The following GPC6 variants were observed in gnomAD, a reference collection of about 807,000 sequenced individuals.
GPC6 encodes the protein glypican 6.
A neutral mutation model predicts 55.2 loss-of-function variants in GPC6; 14 were observed. That is an observed-to-expected ratio of 0.25 (90% CI 0.17 to 0.40). The LOEUF is 0.40. Ranked by LOEUF, GPC6 falls within the 10% of genes least tolerant of loss-of-function variation. GPC6 has a pLI of 1.00. For missense variants in GPC6, 641 were observed against 708.5 expected, an observed-to-expected ratio of 0.90 and a Z score of 1.08; for synonymous variants, 278 against 259.6, an observed-to-expected ratio of 1.07 and a Z score of -0.68.
chr13:93,380,583 C>T (rs1232766636), intron 1 of GPC6, among the ~76,000 whole-genome samples: 2 of 152,014 alleles, frequency 1.3e-5, no homozygotes, highest in African/African-American at 2.4e-5. Flanking sequence ...TTTGATTTGC[C>T]TCAGATGCAG....
At chr13:94,250,169 G>A (rs970049115) in intron 4 of GPC6, among the ~76,000 whole-genome samples, 1 of 152,030 alleles carries the variant, frequency 6.6e-6, no homozygotes, top group East Asian at 1.9e-4. Context: ...ATTCAATCTG[G>A]GAAATAAATT....
At chr13:93,986,826 A>G (rs936859542) in intron 3 of GPC6, among the ~76,000 whole-genome samples, 3 of 152,166 alleles carry the variant, frequency 2.0e-5, no homozygotes, top group African/African-American at 7.2e-5. Flanking sequence ...TTAATATTTT[A>G]CATGCTATTT....
chr13:93,650,038 A>G (rs1448219266), intron 2 of GPC6, among the ~76,000 whole-genome samples: 1 of 152,198 alleles, frequency 6.6e-6, no homozygotes, highest in African/African-American at 2.4e-5. Flanking sequence ...AATGGAAATG[A>G]AAATACTTGA....
At chr13:93,814,343 A>G (rs950348585) in intron 2 of GPC6, among the ~76,000 whole-genome samples, 1 of 152,188 alleles carries the variant, frequency 6.6e-6, no homozygotes, top group Non-Finnish European at 1.5e-5. Flanking sequence ...TTTTCATTAG[A>G]TATTTATTTG....
In GPC6 at chr13:93,272,981, G is replaced by A. The variant is rs528427291; in HGVS notation, c.160+45365G>A. ...GGTTTTATTCTCATTAAAAATGTAG[G>A]ACAAAGGAAAAATAGGCAGTGTTTA... is the stretch of plus-strand genomic sequence containing the variant. On this transcript the variant is annotated intron_variant, in intron 1 of 8. Coordinates refer to ENST00000377047, the MANE Select transcript of GPC6 (RefSeq NM_005708.5). Among the ~76,000 whole-genome samples the A allele has an allele frequency of 8.1e-4, 124 of 152,196 alleles. 4 individuals carry two copies. The highest frequency in any genetic ancestry group is 3.4e-3 in the Middle Eastern group (1 of 294).
chr13:94,312,720 GCACA>G (rs200990954), intron 6 of GPC6, among the ~76,000 whole-genome samples: 19 of 136,262 alleles, frequency 1.4e-4, no homozygotes, highest in East Asian at 2.1e-4. Flanking sequence ...ACACGCGCAC[GCACA>G]CACACACACA....
intron 4 of GPC6, among the ~76,000 whole-genome samples, chr13:94,172,612 G>A (rs1888611956): frequency 6.6e-6 from 1 of 152,166 alleles, no homozygotes; most frequent in Admixed American, 6.5e-5. Flanking sequence ...CTGAGTGCTT[G>A]TGACATAGAA....
intron 4 of GPC6, among the ~76,000 whole-genome samples, chr13:94,134,446 A>G (rs1010719677): frequency 1.3e-5 from 2 of 152,220 alleles, no homozygotes; most frequent in Non-Finnish European, 2.9e-5. Flanking sequence ...TAGATCCCCC[A>G]GAAGAATGTG....
chr13:94,124,318 G>T (rs1886733681), intron 4 of GPC6, among the ~76,000 whole-genome samples: 2 of 151,856 alleles, frequency 1.3e-5, no homozygotes, highest in South Asian at 4.2e-4. Context: ...TGGTCATTGG[G>T]CTCATTTATT....
At chr13:93,542,461 GC>G (rs1882354025) in intron 1 of GPC6, among the ~76,000 whole-genome samples, 1 of 152,162 alleles carries the variant, frequency 6.6e-6, no homozygotes, top group African/African-American at 2.4e-5. Context: ...GTAGCGTGAT[GC>G]CTCCAGCTTT....
intron 2 of GPC6, among the ~76,000 whole-genome samples, chr13:93,718,013 A>G (rs1029740611): frequency 2.6e-5 from 4 of 151,778 alleles, no homozygotes; most frequent in Non-Finnish European, 4.4e-5. Context: ...TCTATTACTA[A>G]TGGACATTTG....
At chr13:94,134,048 A>C (rs1011247631) in intron 4 of GPC6, among the ~76,000 whole-genome samples, 2 of 152,230 alleles carry the variant, frequency 1.3e-5, no homozygotes, top group South Asian at 4.1e-4. Context: ...TACTGCTGAT[A>C]TGCTTGCAAA....
At chr13:93,747,256 CA>C (rs1404004501) in intron 2 of GPC6, among the ~76,000 whole-genome samples, 5 of 152,060 alleles carry the variant, frequency 3.3e-5, no homozygotes, top group African/African-American at 1.2e-4. Context: ...GCAGTGGCAC[CA>C]GGATGTTAAA....
chr13:94,153,064 T>C (rs1035916329), intron 4 of GPC6, among the ~76,000 whole-genome samples: 6 of 152,292 alleles, frequency 3.9e-5, no homozygotes, highest in East Asian at 1.9e-4. Flanking sequence ...AAGTTATGTG[T>C]CGTGCAACCA....
intron 1 of GPC6, among the ~76,000 whole-genome samples, chr13:93,469,077 C>T (rs756880341): frequency 3.9e-5 from 6 of 152,030 alleles, no homozygotes; most frequent in East Asian, 1.9e-4. Context: ...CTAGATTTTG[C>T]GCTTTGCAGC....
chr13:94,366,493 A>G (rs1486878279), intron 6 of GPC6, among the ~76,000 whole-genome samples: 1 of 152,260 alleles, frequency 6.6e-6, no homozygotes, highest in African/African-American at 2.4e-5. Flanking sequence ...TGGTAGGAGC[A>G]GAGGTCAGGT....
intron 1 of GPC6, among the ~76,000 whole-genome samples, chr13:93,310,298 G>A (rs934596986): frequency 2.0e-5 from 3 of 152,154 alleles, no homozygotes; most frequent in Non-Finnish European, 4.4e-5. Flanking sequence ...ATTGTTTCCA[G>A]TCAAGAAACT....
chr13:93,501,119 T>A (rs552720546), intron 1 of GPC6, among the ~76,000 whole-genome samples: 1 of 152,170 alleles, frequency 6.6e-6, no homozygotes. Context: ...TGAAAAACAC[T>A]TGTACTGTTT....
chr13:93,972,430 A>G (rs2140395504), intron 3 of GPC6, among the ~76,000 whole-genome samples: 1 of 152,308 alleles, frequency 6.6e-6, no homozygotes, highest in Non-Finnish European at 1.5e-5. Flanking sequence ...AATACTCATT[A>G]GTAAGACATG....
Sources: allele counts gnomAD v4.1 joint callset (sites outside exome capture counted in the v4.1 genomes callset), GRCh38; gene constraint gnomAD v4.1.1; transcripts MANE v1.5; gene names NCBI Gene and HGNC (gene_info 2026-07-23, HGNC 2026-07-21).